Variants in TK2 observed in about 807,000 individuals in gnomAD.
The protein encoded by TK2 is thymidine kinase 2, also known as thymidine kinase 2, mitochondrial.
Under a neutral mutation model 41.9 loss-of-function variants are expected in TK2, and 35 were observed. That is an observed-to-expected ratio of 0.84 (90% CI 0.64 to 1.11). The LOEUF (loss-of-function observed/expected upper bound fraction) is 1.11. Among genes scored for constraint, TK2 ranks in the 50% least tolerant of loss-of-function variants. TK2 has a pLI of 0.00. For missense variants in TK2, 320 were observed against 351.1 expected, an observed-to-expected ratio of 0.91 and a Z score of 0.71; for synonymous variants, 128 against 129.1, an observed-to-expected ratio of 0.99 and a Z score of 0.06.
intron 1 of TK2, chr16:66,549,561 TC>T: frequency 9.4e-7 from 1 of 1,066,808 alleles, no homozygotes; most frequent in Non-Finnish European, 1.1e-6. Flanking sequence ...GTAACCCCCC[TC>T]CCCCACGCTG....
intron 6 of TK2, among the ~76,000 whole-genome samples, chr16:66,518,960 A>ATT (rs571840327): frequency 6.8e-6 from 1 of 146,272 alleles, no homozygotes. Context: ...GTTTTTATTT[A>ATT]TTTTTTTTTT....
intron 9 of TK2, 44 bp from the exon 10 acceptor site, chr16:66,512,110 C>G (rs749695933): frequency 2.0e-6 from 3 of 1,530,162 alleles, no homozygotes; most frequent in Non-Finnish European, 2.7e-6. Context: ...CTGACCTCAG[C>G]AGCATCCTCC....
rs373806528 is a variant in TK2 at position 66,518,298 on chromosome 16, G to A, written c.450-421C>T. On this transcript the variant is annotated intron_variant, in intron 6 of 9. Coordinates refer to ENST00000544898, the MANE Select transcript of TK2 (RefSeq NM_004614.5). Reference sequence around the variant, plus strand: ...TCCCAGCACTTTGGGAGGGTGAGGTGGGAGGATCACTTGAGGCCAGAAGTT... The same window carrying A: ...TCCCAGCACTTTGGGAGGGTGAGGTAGGAGGATCACTTGAGGCCAGAAGTT... 9.2e-5 allele frequency among the ~76,000 whole-genome samples: 14 copies of A among 152,318 alleles called. No individual in the cohort carries two copies. The East Asian group carries it at 1.9e-3, about 21-fold the overall frequency.
At chr16:66,513,901 A>G in intron 8 of TK2, 90 bp from the exon 9 acceptor site, 1 of 1,113,024 alleles carries the variant, frequency 9.0e-7, no homozygotes, top group Non-Finnish European at 1.4e-6. Context: ...AAAGTAGTCA[A>G]TGACCATGGG....
intron 5 of TK2, 73 bp from the exon 6 acceptor site, chr16:66,529,140 G>T: frequency 7.1e-7 from 1 of 1,400,186 alleles, no homozygotes; most frequent in Non-Finnish European, 1.0e-6. Context: ...AGAAATGTCT[G>T]TTACTCCCCC....
intron 3 of TK2, among the ~76,000 whole-genome samples, chr16:66,540,051 T>G (rs1965409531): frequency 6.6e-6 from 1 of 152,214 alleles, no homozygotes; most frequent in African/African-American, 2.4e-5. Flanking sequence ...GCAGCAGTCT[T>G]AGGTCTGCTA....
At chr16:66,549,691 G>C in intron 1 of TK2, 1 of 1,247,992 alleles carries the variant, frequency 8.0e-7, no homozygotes. Context: ...AATGTTCAGA[G>C]CGTGTCCGTC....
At chr16:66,530,885 C>A (rs1255011396) in intron 5 of TK2, among the ~76,000 whole-genome samples, 1 of 152,006 alleles carries the variant, frequency 6.6e-6, no homozygotes, top group Non-Finnish European at 1.5e-5. Flanking sequence ...CCACGCCAGA[C>A]TAATTTTTGT....
At chr16:66,533,235 A>T (rs1462067913) in intron 4 of TK2, among the ~76,000 whole-genome samples, 1 of 150,378 alleles carries the variant, frequency 6.6e-6, no homozygotes, top group Non-Finnish European at 1.5e-5. Flanking sequence ...ACACCCAGCT[A>T]AATTTTTTTG....
At chr16:66,547,216 C>T (rs907884569) in intron 2 of TK2, among the ~76,000 whole-genome samples, 1 of 152,168 alleles carries the variant, frequency 6.6e-6, no homozygotes, top group Non-Finnish European at 1.5e-5. Context: ...GTCAACCAAC[C>T]AGCAACTCCC....
chr16:66,523,533 A>G (rs1391707608), intron 6 of TK2, among the ~76,000 whole-genome samples: 2 of 152,220 alleles, frequency 1.3e-5, no homozygotes, highest in Non-Finnish European at 2.9e-5. Context: ...GAAACCTCTA[A>G]AAACATCTAC....
intron 2 of TK2, chr16:66,548,117 T>C (rs1965664834): frequency 1.6e-5 from 7 of 449,694 alleles, no homozygotes; most frequent in South Asian, 9.9e-5. Context: ...AGCTCAACTT[T>C]GCATTTCCCT....
At chr16:66,549,728 C>T in intron 1 of TK2, 1 of 1,278,758 alleles carries the variant, frequency 7.8e-7, no homozygotes, top group Non-Finnish European at 9.8e-7. Context: ...CTCTCTCCAT[C>T]CCAGAACCAA....
intron 4 of TK2, among the ~76,000 whole-genome samples, chr16:66,532,004 G>T (rs942501907): frequency 1.3e-5 from 2 of 151,782 alleles, no homozygotes; most frequent in African/African-American, 4.8e-5. Flanking sequence ...AGTACCTATT[G>T]GGTACTATGC....
At chr16:66,522,508 T>C (rs1490603204) in intron 6 of TK2, among the ~76,000 whole-genome samples, 1 of 152,220 alleles carries the variant, frequency 6.6e-6, no homozygotes, top group Non-Finnish European at 1.5e-5. Flanking sequence ...GTGGCCTCTT[T>C]AGCTACATGA....
intron 2 of TK2, among the ~76,000 whole-genome samples, chr16:66,542,736 G>GAGA (rs1353578976): frequency 1.3e-5 from 2 of 152,200 alleles, no homozygotes; most frequent in African/African-American, 4.8e-5. Flanking sequence ...ATCTTAGGGA[G>GAGA]AGAAGGTATT....
chr16:66,519,281 C>T (rs962108501), intron 6 of TK2, among the ~76,000 whole-genome samples: 2 of 152,166 alleles, frequency 1.3e-5, no homozygotes, highest in Non-Finnish European at 2.9e-5. Flanking sequence ...TAGGTTCAAG[C>T]GATTCTCCTG....
chr16:66,526,501 G>C (rs916165114), intron 6 of TK2, among the ~76,000 whole-genome samples: 1 of 152,210 alleles, frequency 6.6e-6, no homozygotes, highest in African/African-American at 2.4e-5. Context: ...TGTAATCCCA[G>C]TACTTTGGGA....
In TK2 at chr16:66,517,164, C is replaced by A. The variant is rs1291542795; in HGVS notation, c.590G>T (p.Cys197Phe). 3.1e-6 allele frequency: 5 copies of A among 1,614,190 alleles called. No individual in the cohort carries two copies. The highest frequency in any genetic ancestry group is 4.2e-6 in the Non-Finnish European group (5 of 1,180,040). ...ETCYQRLKKR[C>F]REEEKVIPLE... ...CGGAATGACCTTCTCCTCTTCCCTG[C>A]ATCTCTTCTTTAACCTCTGGTAACA... The change falls in exon 8 of 10, where the codon TGC (cysteine) becomes TTC (phenylalanine). Residue 197 changes from cysteine (C) to phenylalanine (F), a missense_variant. Transcript: ENST00000544898. This position sits in a 1 kb window ranked among gnomAD's most constrained non-coding sequence, Gnocchi z 4.3.
Sources: gnomAD v4.1 joint callset for allele counts (sites outside exome capture counted in the v4.1 genomes callset) on GRCh38, gnomAD v4.1.1 for gene constraint, Gnocchi (gnomAD v3.1) non-coding constraint, MANE v1.5 for transcripts, NCBI Gene and HGNC (gene_info 2026-07-23, HGNC 2026-07-21) for gene names.